The following EFL1 variants were observed in gnomAD, a reference collection of about 807,000 sequenced individuals.
The protein encoded by EFL1 is elongation factor like GTPase 1, also known as elongation factor-like GTPase 1.
A neutral mutation model predicts 126.7 loss-of-function variants in EFL1; 76 were observed. That is an observed-to-expected ratio of 0.60 (90% CI 0.50 to 0.73). The LOEUF is 0.73. Ranked by LOEUF, EFL1 falls within the 30% of genes least tolerant of loss-of-function variation. EFL1 has a pLI of 0.00. For synonymous variants in EFL1, 410 were observed against 448.4 expected (o/e 0.91, Z 1.08); for missense variants, 1,128 against 1,343.2 (o/e 0.84, Z 2.50).
At chr15:82,249,116 A>G (rs976610199) in intron 4 of EFL1, among the ~76,000 whole-genome samples, 1 of 152,012 alleles carries the variant, frequency 6.6e-6, no homozygotes, top group Non-Finnish European at 1.5e-5. Flanking sequence ...GTTTTACTGT[A>G]TATTCTATAA....
chr15:82,208,989 T>C (rs1220141889), intron 15 of EFL1, among the ~76,000 whole-genome samples: 2 of 151,740 alleles, frequency 1.3e-5, no homozygotes, highest in East Asian at 3.9e-4. Context: ...ACATAACTAC[T>C]AGGAAAAAAG....
rs76105963 is a variant in EFL1 at position 82,158,225 on chromosome 15, T to C, written c.1883-365A>G. On this transcript the variant is annotated intron_variant, in intron 16 of 19. Coordinates refer to ENST00000268206, the MANE Select transcript of EFL1 (RefSeq NM_024580.6). ...ACAGAGCATTTCCTCAAACATCGCC[T>C]ATAAAATCAACAAATAAGCAAAAGA... Among the ~76,000 whole-genome samples the C allele has an allele frequency of 8.1e-3, 1,227 of 152,310 alleles. 14 individuals are homozygous for C. Among genetic ancestry groups the C allele is most frequent in the African/African-American group, 0.028 (1,151 of 41,570 alleles).
intron 15 of EFL1, among the ~76,000 whole-genome samples, chr15:82,206,866 C>T (rs1336347421): frequency 1.3e-5 from 2 of 152,124 alleles, no homozygotes; most frequent in Non-Finnish European, 2.9e-5. Context: ...AAACCATCCC[C>T]TAATTTGTGA....
At chr15:82,182,953 C>T (rs2074267653) in intron 15 of EFL1, among the ~76,000 whole-genome samples, 1 of 152,168 alleles carries the variant, frequency 6.6e-6, no homozygotes, top group Non-Finnish European at 1.5e-5. Flanking sequence ...GGCATCCAAC[C>T]TTATGCCAGC....
At chr15:82,167,784 A>C (rs1165586205) in intron 15 of EFL1, among the ~76,000 whole-genome samples, 2 of 152,176 alleles carry the variant, frequency 1.3e-5, no homozygotes, top group African/African-American at 2.4e-5. Context: ...CTTTCATTGT[A>C]CTGTTACAAT....
At chr15:82,204,930 A>G (rs2074508514) in intron 15 of EFL1, among the ~76,000 whole-genome samples, 1 of 152,182 alleles carries the variant, frequency 6.6e-6, no homozygotes, top group Admixed American at 6.5e-5. Context: ...CAAGTTCTAA[A>G]TACAATTGTT....
At chr15:82,189,708 T>C (rs1041851721) in intron 15 of EFL1, among the ~76,000 whole-genome samples, 4 of 152,210 alleles carry the variant, frequency 2.6e-5, no homozygotes, top group Non-Finnish European at 1.5e-5. Context: ...TTAAAAATTC[T>C]CTCTTATTAT....
chr15:82,170,950 C>T (rs2074129167), intron 15 of EFL1, among the ~76,000 whole-genome samples: 1 of 152,030 alleles, frequency 6.6e-6, no homozygotes, highest in African/African-American at 2.4e-5. Flanking sequence ...GTCAGAAGCA[C>T]AAAATGCTTA....
intron 15 of EFL1, among the ~76,000 whole-genome samples, chr15:82,175,928 T>C (rs1005939534): frequency 6.6e-6 from 1 of 152,204 alleles, no homozygotes; most frequent in African/African-American, 2.4e-5. Flanking sequence ...ACTGTAGGAA[T>C]GCTAGTATTG....
intron 14 of EFL1, among the ~76,000 whole-genome samples, 179 bp downstream of exon 14, chr15:82,219,473 A>G (rs1304925068): frequency 6.6e-6 from 1 of 152,220 alleles, no homozygotes; most frequent in Non-Finnish European, 1.5e-5. Flanking sequence ...AATGCTACTA[A>G]TTGAGACATA....
intron 17 of EFL1, among the ~76,000 whole-genome samples, chr15:82,154,588 T>C (rs2073947193): frequency 6.6e-6 from 1 of 152,138 alleles, no homozygotes; most frequent in Admixed American, 6.5e-5. Context: ...TGAACACCCA[T>C]GTAAACTACA....
chr15:82,191,544 C>G (rs1403788510), intron 15 of EFL1, among the ~76,000 whole-genome samples: 6 of 151,230 alleles, frequency 4.0e-5, no homozygotes, highest in Non-Finnish European at 5.9e-5. Flanking sequence ...CATGAAATCC[C>G]AAACTCATTC....
At chr15:82,132,617 C>T (rs377189954) in intron 19 of EFL1, among the ~76,000 whole-genome samples, 47 of 131,622 alleles carry the variant, frequency 3.6e-4, no homozygotes, top group Middle Eastern at 4.4e-3. Context: ...AGGAGCGTCT[C>T]GAAGTGGGAG....
chr15:82,197,038 A>T (rs1036548391), intron 15 of EFL1, among the ~76,000 whole-genome samples: 13 of 152,296 alleles, frequency 8.5e-5, no homozygotes, highest in East Asian at 5.8e-4. Context: ...ACTTAAAAAA[A>T]AAAAAAAAAA....
chr15:82,233,729 TA>T (rs2141319300), intron 7 of EFL1: 1 of 152,312 alleles, frequency 6.6e-6, no homozygotes, highest in South Asian at 2.1e-4. Flanking sequence ...ATTAACAGGA[TA>T]GATTTCGGGA....
chr15:82,138,569 A>G, intron 19 of EFL1, 89 bp downstream of exon 19: 1 of 1,481,966 alleles, frequency 6.7e-7, no homozygotes, highest in Non-Finnish European at 9.1e-7. Context: ...AAATGGCATG[A>G]TCTGTGTTGT....
At chr15:82,153,695 A>C (rs1313969894) in intron 17 of EFL1, among the ~76,000 whole-genome samples, 1 of 152,206 alleles carries the variant, frequency 6.6e-6, no homozygotes, top group Non-Finnish European at 1.5e-5. Flanking sequence ...CAGTACATTA[A>C]AGGAATAATT....
At chr15:82,176,540 A>G (rs964083836) in intron 15 of EFL1, among the ~76,000 whole-genome samples, 2 of 152,246 alleles carry the variant, frequency 1.3e-5, no homozygotes, top group African/African-American at 4.8e-5. Context: ...GGCATCCCAC[A>G]AATCAGTAAA....
intron 15 of EFL1, among the ~76,000 whole-genome samples, chr15:82,209,099 A>AT (rs2074555946): frequency 6.6e-6 from 1 of 152,238 alleles, no homozygotes. Flanking sequence ...ATTAAAATAG[A>AT]TTATCTTCAA....
Sources: gnomAD v4.1 joint callset for allele counts (sites outside exome capture counted in the v4.1 genomes callset) on GRCh38, gnomAD v4.1.1 for gene constraint, MANE v1.5 for transcripts, NCBI Gene and HGNC (gene_info 2026-07-23, HGNC 2026-07-21) for gene names.